Variants in SYNE1 observed in about 807,000 individuals in gnomAD.
SYNE1 encodes spectrin repeat containing nuclear envelope protein 1, also known as nesprin-1.
SYNE1 carries 616 observed loss-of-function variants against 1,111.0 expected under a neutral mutation model. The ratio of observed to expected loss-of-function variants is 0.55; its 90% CI spans 0.52 to 0.59. The LOEUF (loss-of-function observed/expected upper bound fraction) is 0.59, where lower values mean the gene tolerates loss of function less well. Among genes scored for constraint, SYNE1 ranks in the 20% least tolerant of loss-of-function variants. The pLI is 0.00. For missense variants in SYNE1, 10,006 were observed against 10,417.0 expected (o/e 0.96, Z 1.72); for synonymous variants, 3,855 against 3,825.8 (o/e 1.01, Z -0.28).
intron 3 of SYNE1, among the ~76,000 whole-genome samples, chr6:152,588,229 G>T (rs1033058839): frequency 2.6e-5 from 4 of 152,126 alleles, no homozygotes; most frequent in African/African-American, 9.7e-5. Flanking sequence ...AAACATAAAT[G>T]TCAACAACAA....
At chr6:152,626,216 T>C (rs1421067786) in intron 3 of SYNE1, among the ~76,000 whole-genome samples, 2 of 152,212 alleles carry the variant, frequency 1.3e-5, no homozygotes, top group Non-Finnish European at 2.9e-5. Context: ...AGAGTGTTTG[T>C]AGGAACACAG....
intron 42 of SYNE1, 81 bp downstream of exon 42, chr6:152,413,271 A>T (rs2154176735): frequency 7.0e-7 from 1 of 1,426,956 alleles, no homozygotes; most frequent in South Asian, 1.2e-5. Flanking sequence ...TACTGATCAC[A>T]TCAACACAAA....
At chr6:152,247,959 G>C (rs1210947320) in intron 105 of SYNE1, among the ~76,000 whole-genome samples, 2 of 151,770 alleles carry the variant, frequency 1.3e-5, no homozygotes, top group African/African-American at 4.8e-5. Flanking sequence ...AATTAAATCA[G>C]AGAATTCTAT....
At chr6:152,222,586 A>G (rs1222581935) in intron 117 of SYNE1, among the ~76,000 whole-genome samples, 1 of 152,226 alleles carries the variant, frequency 6.6e-6, no homozygotes, top group African/African-American at 2.4e-5. Context: ...GTACTATATG[A>G]TGTTTTGATA....
intron 39 of SYNE1, among the ~76,000 whole-genome samples, chr6:152,421,646 C>T (rs2154189580): frequency 6.6e-6 from 1 of 151,572 alleles, no homozygotes. Context: ...CTAAGGTTTT[C>T]CAAATCTTCC....
At chr6:152,382,422 T>C (rs1250848842) in intron 55 of SYNE1, among the ~76,000 whole-genome samples, 1 of 152,192 alleles carries the variant, frequency 6.6e-6, no homozygotes, top group Admixed American at 6.5e-5. Context: ...CTATATAATA[T>C]AGTTTGCATC....
intron 59 of SYNE1, 106 bp from the exon 60 acceptor site, chr6:152,369,720 C>G: frequency 1.5e-6 from 2 of 1,362,046 alleles, no homozygotes; most frequent in Non-Finnish European, 2.0e-6. Context: ...CAGTGGCTCA[C>G]GCCTGTAATC....
At chr6:152,505,120 G>A in intron 9 of SYNE1, 81 bp downstream of exon 9, 1 of 1,489,512 alleles carries the variant, frequency 6.7e-7, no homozygotes, top group Non-Finnish European at 9.3e-7. Context: ...TAGAATCTTG[G>A]AAGTCATGTG....
Position 152,274,307 on chromosome 6 carries a change from C to T in SYNE1, c.18573+3782G>A, listed in dbSNP as rs563921959. On this transcript the variant is annotated intron_variant, in intron 98 of 145. Coordinates refer to ENST00000367255, the MANE Select transcript of SYNE1 (RefSeq NM_182961.4). The stretch of plus-strand genomic sequence containing the variant: ...CTATTTACCCAACACAGAGTTCAAA[C>T]GTCTTTTCATATGTTCATTGTCCAT... Among the ~76,000 whole-genome samples the T allele has an allele frequency of 1.4e-4, 22 of 152,200 alleles. 1 individual carries two copies. In the South Asian group the frequency reaches 3.5e-3, roughly 24 times the overall value.
rs766652524 is a variant in SYNE1, at chr6:152,362,182, G to A, written c.10287C>T (p.Leu3429=). Residue 3429 remains leucine, a synonymous_variant, in exon 64 of 146, where the codon CTC becomes CTT. Coordinates refer to ENST00000367255, the MANE Select transcript of SYNE1 (RefSeq NM_182961.4). ...ATCCAGCTCTCACCTTGGCTTTTCC[G>A]AGCATCGTTGTTTTATCCCGCAGCT... ...HAELRDKTTM[L]GKAKLLNEEV... is the part of the protein sequence containing the mutation. The A allele has an allele frequency of 9.3e-6, 15 of 1,614,030 alleles. No individual in the cohort carries two copies. The highest frequency in any genetic ancestry group is 2.7e-5 in the African/African-American group (2 of 74,898).
chr6:152,530,252 G>A (rs925330546), intron 4 of SYNE1, among the ~76,000 whole-genome samples: 6 of 152,092 alleles, frequency 3.9e-5, no homozygotes, highest in African/African-American at 1.2e-4. Context: ...CCTTTCAATA[G>A]CTCTTTCTTC....
intron 95 of SYNE1, among the ~76,000 whole-genome samples, chr6:152,289,360 C>T (rs1328895114): frequency 6.6e-6 from 1 of 152,150 alleles, no homozygotes; most frequent in Non-Finnish European, 1.5e-5. Context: ...GAAACACGGA[C>T]CTTATGTGAC....
Position 152,330,984 on chromosome 6 carries a change from A to T in SYNE1, c.13701T>A (p.Phe4567Leu). The part of the protein sequence containing the change: ...LEKNLVSRKH[F>L]KEDFDKACHW... Reference sequence around the variant, plus strand: ...GGCAAGCTTTATCAAAATCTTCCTTAAAATGCTTCCTAGAAACCAAATTCT... The same window carrying T: ...GGCAAGCTTTATCAAAATCTTCCTTTAAATGCTTCCTAGAAACCAAATTCT... The change falls in exon 78 of 146, where the codon TTT becomes TTA. Residue 4567 changes from phenylalanine (F) to leucine (L), a missense_variant. By Grantham distance (22) the Phe-to-Leu change is conservative (BLOSUM62 0). Around this residue, in one of 7 missense-constraint regions of SYNE1, gnomAD observed 4,955 missense variants for 5,017.2 expected, o/e 0.99. Coordinates refer to ENST00000367255, the MANE Select transcript of SYNE1 (RefSeq NM_182961.4). 6.2e-7 allele frequency: 1 copy of T among 1,614,188 alleles called. No homozygotes were observed. The highest frequency in any genetic ancestry group is 1.7e-5 in the Admixed American group (1 of 60,026).
rs1249661326 is a variant in SYNE1 at position 152,176,404 on chromosome 6, T to C, written c.23617A>G (p.Ile7873Val). ...NDRWQHLLDL[I>V]AARVKKLKET... The stretch of plus-strand genomic sequence containing the variant: ...TCAGGTCCTCTTTACCTGGCTGCAA[T>C]GAGGTCCAGGAGATGCTGCCACCGG... Residue 7873 changes from isoleucine (I) to valine (V), a missense_variant, in exon 130 of 146, where the codon ATT (isoleucine) becomes GTT (valine). Ile to Val is a conservative substitution (Grantham distance 29). Transcript: ENST00000367255. 5 of 1,613,836 alleles carry C rather than the reference T, an allele frequency of 3.1e-6. No homozygotes were observed. Among genetic ancestry groups the C allele is most frequent in the Non-Finnish European group, 4.2e-6 (5 of 1,179,832 alleles).
intron 97 of SYNE1, among the ~76,000 whole-genome samples, chr6:152,279,290 T>C (rs954304252): frequency 1.3e-5 from 2 of 151,430 alleles, no homozygotes; most frequent in Non-Finnish European, 2.9e-5. Context: ...AAAAAAGTTT[T>C]ACTTTCCTTA....
chr6:152,396,315 T>C (rs2097730602), intron 50 of SYNE1, among the ~76,000 whole-genome samples: 1 of 152,230 alleles, frequency 6.6e-6, no homozygotes, highest in Non-Finnish European at 1.5e-5. Context: ...TACTGACATC[T>C]TTTCTCACCC....
chr6:152,296,767 T>G (rs575511404), intron 93 of SYNE1, among the ~76,000 whole-genome samples: 21 of 152,212 alleles, frequency 1.4e-4, no homozygotes, highest in Admixed American at 2.6e-4. Flanking sequence ...AACCACAAGG[T>G]ATGGTAACAC....
At chr6:152,207,502 G>C (rs1168173485) in intron 125 of SYNE1, among the ~76,000 whole-genome samples, 1 of 152,138 alleles carries the variant, frequency 6.6e-6, no homozygotes, top group Non-Finnish European at 1.5e-5. Flanking sequence ...GGATACACTG[G>C]GGAGAACTCA....
At chr6:152,425,622 T>C in intron 38 of SYNE1, 75 bp from the exon 39 acceptor site, 1 of 1,568,324 alleles carries the variant, frequency 6.4e-7, no homozygotes. Context: ...CAGGCGGCTG[T>C]TGTCCAAAGG....
Sources: allele counts gnomAD v4.1 joint callset (sites outside exome capture counted in the v4.1 genomes callset), GRCh38; gene constraint gnomAD v4.1.1; regional missense constraint gnomAD v4.1.1; transcripts MANE v1.5; gene names NCBI Gene and HGNC (gene_info 2026-07-23, HGNC 2026-07-21).